Variants in PCDH9 observed in about 807,000 individuals in gnomAD.
The protein encoded by PCDH9 is protocadherin 9, also known as protocadherin-9.
PCDH9 carries 24 observed loss-of-function variants against 70.6 expected under a neutral mutation model. The ratio of observed to expected loss-of-function variants is 0.34; its 90% confidence interval spans 0.25 to 0.48. The LOEUF (loss-of-function observed/expected upper bound fraction) is 0.48, where lower values mean the gene tolerates loss of function less well. PCDH9 is among the 20% of genes least tolerant of loss of function. PCDH9 has a pLI of 0.99. For missense variants in PCDH9, 1,281 were observed against 1,503.6 expected (o/e 0.85, Z 2.45); for synonymous variants, 562 against 558.5 (o/e 1.01, Z -0.09).
intron 3 of PCDH9, among the ~76,000 whole-genome samples, chr13:66,891,711 T>G (rs2082098864): frequency 6.6e-6 from 1 of 152,232 alleles, no homozygotes; most frequent in Middle Eastern, 3.4e-3. Context: ...GTATGCTTTT[T>G]AAAAAACACC....
chr13:66,816,600 T>G (rs1353412886), intron 3 of PCDH9, among the ~76,000 whole-genome samples: 1 of 152,158 alleles, frequency 6.6e-6, no homozygotes, highest in African/African-American at 2.4e-5. Flanking sequence ...AATTCCTCTT[T>G]TGGTATTTCA....
Position 66,304,553 on chromosome 13 carries a change from T to C in PCDH9, c.*102A>G. 2.2e-6 allele frequency: 2 copies of C among 895,112 alleles called. No homozygotes were observed. Among genetic ancestry groups the C allele is most frequent in the Non-Finnish European group, 3.5e-6 (2 of 569,124 alleles). The allele number at this position is 895,112 out of a possible 1,614,324, so 55.4% of individuals were successfully genotyped here. A position where few individuals can be genotyped will look rare whatever the true frequency, so the allele number is the denominator to read the frequency against. On this transcript the variant is annotated 3_prime_UTR_variant, in exon 5 of 5. Coordinates refer to ENST00000377865, the MANE Select transcript of PCDH9 (RefSeq NM_203487.3). The stretch of plus-strand genomic sequence containing the variant: ...AACACAAAGTTATAGGTATCCCTGC[T>C]AGAAGGGGCATAGTTGTAGAGATCT...
intron 4 of PCDH9, among the ~76,000 whole-genome samples, chr13:66,445,339 A>T (rs1958053798): frequency 6.8e-6 from 1 of 147,476 alleles, no homozygotes; most frequent in African/African-American, 2.5e-5. Flanking sequence ...GATTTAGTTC[A>T]TTGCAGAAAG....
intron 4 of PCDH9, among the ~76,000 whole-genome samples, chr13:66,500,603 T>C (rs1959172077): frequency 6.6e-6 from 1 of 152,124 alleles, no homozygotes; most frequent in Non-Finnish European, 1.5e-5. Context: ...GTTATTTTTG[T>C]TGGTATTATC....
intron 4 of PCDH9, among the ~76,000 whole-genome samples, chr13:66,548,492 G>A (rs1961322139): frequency 6.6e-6 from 1 of 152,058 alleles, no homozygotes; most frequent in East Asian, 1.9e-4. Context: ...TTGAACCCAG[G>A]AGGTGGAGGT....
At chr13:67,208,150 T>C (rs2089394961) in intron 2 of PCDH9, 1 of 152,218 alleles carries the variant, frequency 6.6e-6, no homozygotes, top group Non-Finnish European at 1.5e-5. Flanking sequence ...TTTCTTTATC[T>C]GTCCATCTTC....
At chr13:66,727,092 T>C (rs566336596) in intron 3 of PCDH9, among the ~76,000 whole-genome samples, 1 of 152,122 alleles carries the variant, frequency 6.6e-6, no homozygotes, top group Non-Finnish European at 1.5e-5. Context: ...CATAGCTAGA[T>C]TCCATTTCTA....
Position 67,015,979 on chromosome 13 carries a change from T to C in PCDH9, c.3037-112374A>G, listed in dbSNP as rs1224917575. ...CACCAGCACAATTCCTAGTAAATAT[T>C]TGGAGCTCAACATATATTTTAAGAG... On this transcript the variant is annotated intron_variant, in intron 2 of 4. Transcript: ENST00000377865. Among the ~76,000 whole-genome samples, 6 of 152,296 alleles carry C rather than the reference T, an allele frequency of 3.9e-5. No individual in the cohort carries two copies. The East Asian group carries it at 1.2e-3, about 29-fold the overall frequency.
intron 3 of PCDH9, among the ~76,000 whole-genome samples, chr13:66,640,971 GT>G (rs1195408533): frequency 1.3e-5 from 2 of 152,134 alleles, no homozygotes; most frequent in African/African-American, 4.8e-5. Flanking sequence ...TGCCTCCCGG[GT>G]TCGAGCAATT....
chr13:66,828,531 A>G (rs2080864370), intron 3 of PCDH9, among the ~76,000 whole-genome samples: 1 of 152,170 alleles, frequency 6.6e-6, no homozygotes, highest in East Asian at 1.9e-4. Context: ...TCTATAAACA[A>G]TACTGCATAT....
intron 2 of PCDH9, chr13:67,208,936 A>G (rs538632115): frequency 1.9e-4 from 29 of 152,308 alleles, no homozygotes; most frequent in African/African-American, 6.7e-4. Flanking sequence ...CAGAACACTG[A>G]TGATTACTAA....
chr13:66,760,135 AT>A (rs201627648), intron 3 of PCDH9, among the ~76,000 whole-genome samples: 43 of 151,804 alleles, frequency 2.8e-4, no homozygotes, highest in Middle Eastern at 3.4e-3. Flanking sequence ...GTTGCCGGTC[AT>A]TTTTTTTCCC....
chr13:67,045,047 T>TG (rs968086623), intron 2 of PCDH9, among the ~76,000 whole-genome samples: 3 of 152,124 alleles, frequency 2.0e-5, no homozygotes, highest in African/African-American at 7.2e-5. Flanking sequence ...CACAAATTGT[T>TG]GGGGAAAGAT....
intron 2 of PCDH9, among the ~76,000 whole-genome samples, chr13:67,112,907 T>G (rs1203132144): frequency 1.3e-5 from 2 of 151,874 alleles, no homozygotes; most frequent in African/African-American, 4.9e-5. Flanking sequence ...TTTTTGTTAT[T>G]TTTTGTAGAG....
chr13:66,328,965 T>A (rs1229101385), intron 4 of PCDH9, among the ~76,000 whole-genome samples: 3 of 152,200 alleles, frequency 2.0e-5, no homozygotes, highest in African/African-American at 7.2e-5. Flanking sequence ...TTTTTAATCA[T>A]TCAAAAATGT....
chr13:66,736,839 A>G (rs2079156812), intron 3 of PCDH9, among the ~76,000 whole-genome samples: 2 of 152,212 alleles, frequency 1.3e-5, no homozygotes, highest in Non-Finnish European at 2.9e-5. Context: ...GTCATGCAGA[A>G]ACTAGCTCTC....
At position 67,227,303 on chromosome 13, in the gene PCDH9, T is replaced by G; in HGVS notation, c.1138A>C (p.Asn380His). 1 of 1,613,646 alleles carries G rather than the reference T, an allele frequency of 6.2e-7. No individual in the cohort carries two copies. Among genetic ancestry groups the G allele is most frequent in the Non-Finnish European group, 8.5e-7 (1 of 1,179,576 alleles). ...TVYLSEKDPV[N>H]TKIALITVSD... is the part of the protein sequence containing the mutation. Reference sequence around the variant, plus strand: ...ACTGTAATTAGGGCAATCTTTGTATTGACAGGATCTTTCTCAGATAAATAC... The same window carrying G: ...ACTGTAATTAGGGCAATCTTTGTATGGACAGGATCTTTCTCAGATAAATAC... The change falls in exon 2 of 5, where the codon AAT (asparagine) becomes CAT (histidine). Residue 380 changes from asparagine to histidine, a missense_variant. Coordinates refer to ENST00000377865, the MANE Select transcript of PCDH9 (RefSeq NM_203487.3). This position sits in a 1 kb window ranked among gnomAD's most constrained non-coding sequence, Gnocchi z 4.6.
chr13:66,380,230 T>G (rs1956821356), intron 4 of PCDH9, among the ~76,000 whole-genome samples: 1 of 152,180 alleles, frequency 6.6e-6, no homozygotes, highest in Non-Finnish European at 1.5e-5. Flanking sequence ...GACATGATAA[T>G]TAGCTTCCTA....
chr13:66,878,682 G>A (rs2081866425), intron 3 of PCDH9, among the ~76,000 whole-genome samples: 1 of 152,166 alleles, frequency 6.6e-6, no homozygotes, highest in Non-Finnish European at 1.5e-5. Flanking sequence ...TGTGAAATAG[G>A]TGACAAATTA....
Sources: allele counts gnomAD v4.1 joint callset (sites outside exome capture counted in the v4.1 genomes callset), GRCh38; gene constraint gnomAD v4.1.1; non-coding constraint Gnocchi (gnomAD v3.1); transcripts MANE v1.5; gene names NCBI Gene and HGNC (gene_info 2026-07-23, HGNC 2026-07-21).